TSC22D2: variants seen among roughly 807,000 people sequenced by gnomAD.
The protein encoded by TSC22D2 is TSC22 domain family member 2.
A neutral mutation model predicts 50.1 loss-of-function variants in TSC22D2; 5 were observed. The ratio of observed to expected loss-of-function variants is 0.10; its 90% CI spans 0.05 to 0.21. The LOEUF (loss-of-function observed/expected upper bound fraction) is 0.21. Among genes scored for constraint, TSC22D2 ranks in the 10% least tolerant of loss-of-function variants. The pLI, the probability that TSC22D2 is intolerant of heterozygous loss-of-function variation, is 1.00. For missense variants in TSC22D2, 1,003 were observed against 1,015.5 expected, an observed-to-expected ratio of 0.99 and a Z score of 0.17; for synonymous variants, 501 against 450.1, an observed-to-expected ratio of 1.11 and a Z score of -1.43.
rs997324900 is a variant in TSC22D2 at position 150,462,899 on chromosome 3, A to G, written c.*4263A>G. 9 of 152,228 alleles carry G rather than the reference A, an allele frequency of 5.9e-5. No homozygotes were observed. Among genetic ancestry groups the G allele is most frequent in the African/African-American group, 2.2e-4 (9 of 41,408 alleles). 9.4% of individuals were successfully genotyped at this position (152,228 alleles called of 1,614,324 possible). ...TCTCCCCCGCCCGCCTGGGCCTCCC[A>G]AAGTGTTGGGATTACAGGCGTGAGC... is the stretch of plus-strand genomic sequence containing the variant. On this transcript the variant is annotated 3_prime_UTR_variant, in exon 3 of 3. Coordinates refer to ENST00000688009, the MANE Select transcript of TSC22D2 (RefSeq NM_001303264.2).
chr3:150,439,529 G>A (rs1720649741), intron 1 of TSC22D2, among the ~76,000 whole-genome samples: 1 of 152,044 alleles, frequency 6.6e-6, no homozygotes, highest in Admixed American at 6.6e-5. Flanking sequence ...TGATAATCAG[G>A]AAAATAACTT....
rs1215705889 is a variant in TSC22D2 at position 150,460,768 on chromosome 3, TGGAGAAAAA to T, written c.*2133_*2141del. The T allele has an allele frequency of 8.1e-6, 1 of 124,082 alleles. No individual in the cohort carries two copies. The highest frequency in any genetic ancestry group is 1.9e-5 in the Non-Finnish European group (1 of 53,878). The allele number at this position is 124,082 out of a possible 1,614,324, so 7.7% of individuals were successfully genotyped here. ...TGTGACATGTGATATTTAATACAGG[TGGAGAAAAA>T]CTAGTCTTAGAAATGGGATTTTTGT... On this transcript the variant is annotated 3_prime_UTR_variant, in exon 3 of 3. Coordinates refer to ENST00000688009, the MANE Select transcript of TSC22D2 (RefSeq NM_001303264.2).
chr3:150,421,622 C>T (rs1271399639), intron 1 of TSC22D2, among the ~76,000 whole-genome samples: 2 of 151,880 alleles, frequency 1.3e-5, no homozygotes, highest in African/African-American at 4.8e-5. Context: ...GAGAAATACA[C>T]GTATTAGTCT....
chr3:150,438,962 A>G (rs1270746266), intron 1 of TSC22D2, among the ~76,000 whole-genome samples: 3 of 152,184 alleles, frequency 2.0e-5, no homozygotes, highest in Non-Finnish European at 4.4e-5. Flanking sequence ...TTAGAAAAAA[A>G]CTACTTTGTT....
At chr3:150,427,333 C>G (rs1158267086) in intron 1 of TSC22D2, among the ~76,000 whole-genome samples, 4 of 151,974 alleles carry the variant, frequency 2.6e-5, no homozygotes, top group African/African-American at 9.7e-5. Flanking sequence ...CCTCTTCATG[C>G]CCCCCATCAG....
At chr3:150,420,418 A>G (rs1719966660) in intron 1 of TSC22D2, among the ~76,000 whole-genome samples, 1 of 152,252 alleles carries the variant, frequency 6.6e-6, no homozygotes, top group Admixed American at 6.5e-5. Flanking sequence ...TTTATGTAGT[A>G]CATAGATTGT....
Position 150,459,899 on chromosome 3 carries a change from A to G in TSC22D2, c.*1263A>G, listed in dbSNP as rs2108110508. On this transcript the variant is annotated 3_prime_UTR_variant, in exon 3 of 3. Transcript: ENST00000688009. ...GGTGTTTTGAATTTCGTATGCAGAA[A>G]ACGTTTTGTTACATTGCAGATTTTA... The G allele has an allele frequency of 6.6e-6, 1 of 151,954 alleles. No homozygotes were observed. Among genetic ancestry groups the G allele is most frequent in the African/African-American group, 2.4e-5 (1 of 41,496 alleles). The allele number at this position is 151,954 out of a possible 1,614,324, so 9.4% of individuals were successfully genotyped here.
Position 150,460,712 on chromosome 3 carries a change from G to T in TSC22D2, c.*2076G>T, listed in dbSNP as rs977681274. 7.9e-6 allele frequency: 1 copy of T among 127,362 alleles called. No homozygotes were observed. Among genetic ancestry groups the T allele is most frequent in the African/African-American group, 2.6e-5 (1 of 38,164 alleles). 7.9% of individuals were successfully genotyped at this position (127,362 alleles called of 1,614,324 possible). Reference sequence around the variant, plus strand: ...TCACTGTTGGACTGTTAACCGAAAAGGTTTGCTGGCTGTGCCCCTCCAGTG... The same window carrying T: ...TCACTGTTGGACTGTTAACCGAAAATGTTTGCTGGCTGTGCCCCTCCAGTG... On this transcript the variant is annotated 3_prime_UTR_variant, in exon 3 of 3. Coordinates refer to ENST00000688009, the MANE Select transcript of TSC22D2 (RefSeq NM_001303264.2).
At chr3:150,413,222 C>G (rs1719657257) in intron 1 of TSC22D2, among the ~76,000 whole-genome samples, 1 of 152,154 alleles carries the variant, frequency 6.6e-6, no homozygotes, top group Admixed American at 6.5e-5. Flanking sequence ...AGTTGGTAAT[C>G]TGAAAACTCT....
At position 150,458,432 on chromosome 3, in the gene TSC22D2, G is replaced by A; in HGVS notation, c.2067G>A (p.Lys689=). The A allele has an allele frequency of 3.7e-6, 6 of 1,614,050 alleles. No homozygotes were observed. In the African/African-American group the frequency reaches 6.7e-5, roughly 18 times the overall value. The part of the protein sequence containing the change: ...YAVREEVEVL[K]EQIKELVERN... ...TAAGAGAAGAAGTGGAAGTTTTAAA[G>A]GAACAAATAAAAGAATTAGTTGAAA... The change falls in exon 3 of 3, where the codon AAG becomes AAA. Residue 689 remains lysine (K), a synonymous_variant. Coordinates refer to ENST00000688009, the MANE Select transcript of TSC22D2 (RefSeq NM_001303264.2).
chr3:150,429,307 A>C (rs983949549), intron 1 of TSC22D2, among the ~76,000 whole-genome samples: 1 of 152,170 alleles, frequency 6.6e-6, no homozygotes, highest in African/African-American at 2.4e-5. Flanking sequence ...CACCATGCTG[A>C]TGATTTCAGC....
At position 150,412,234 on chromosome 3, in the gene TSC22D2, A is replaced by G. The variant is rs112018235; in HGVS notation, c.1958+926A>G. On this transcript the variant is annotated intron_variant, in intron 1 of 2. Transcript: ENST00000688009. ...ATGTAAATTTGACATACATATTGCA[A>G]AATTTTAAAAGCTGACTTGTTGCAA... Among the ~76,000 whole-genome samples the G allele has an allele frequency of 7.6e-3, 1,163 of 152,282 alleles. 5 individuals are homozygous for G. Among genetic ancestry groups the G allele is most frequent in the Admixed American group, 0.015 (227 of 15,294 alleles).
intron 1 of TSC22D2, among the ~76,000 whole-genome samples, chr3:150,445,304 A>G (rs1327026640): frequency 7.2e-6 from 1 of 138,262 alleles, no homozygotes; most frequent in Admixed American, 7.8e-5. Flanking sequence ...CAAGAGCAAG[A>G]CTCTGTCTCA....
Position 150,411,255 on chromosome 3 carries a change from T to C in TSC22D2, c.1905T>C (p.Ser635=), listed in dbSNP as rs1198564638. 1.9e-6 allele frequency: 3 copies of C among 1,614,084 alleles called. No homozygotes were observed. In the African/African-American group the frequency reaches 4.0e-5, roughly 22 times the overall value. ...CCCTTCAGTTAACACCTATGAACAG[T>C]CTGGCCACCTCTGTATTCAGCATAG... ...ANPLQLTPMN[S]LATSVFSIAI... The change falls in exon 1 of 3, where the codon AGT becomes AGC. Residue 635 remains serine, a synonymous_variant. Transcript: ENST00000688009.
Position 150,461,427 on chromosome 3 carries a change from C to T in TSC22D2, c.*2791C>T, listed in dbSNP as rs1721396191. On this transcript the variant is annotated 3_prime_UTR_variant, in exon 3 of 3. Coordinates refer to ENST00000688009, the MANE Select transcript of TSC22D2 (RefSeq NM_001303264.2). ...ACAGTCTTACAGGAATGCCATCTAT[C>T]TAATTCTGTCAGTGTAATGCCCATA... 6.6e-6 allele frequency: 1 copy of T among 152,194 alleles called. No individual in the cohort carries two copies. 9.4% of individuals were successfully genotyped at this position (152,194 alleles called of 1,614,324 possible).
chr3:150,426,587 G>A (rs1720199477), intron 1 of TSC22D2, among the ~76,000 whole-genome samples: 1 of 152,186 alleles, frequency 6.6e-6, no homozygotes, highest in Non-Finnish European at 1.5e-5. Flanking sequence ...CAGGTAGCTT[G>A]TAAGGCTTTA....
rs139705131 is a variant in TSC22D2 at position 150,445,316 on chromosome 3, AAATAATAATAATAATAATAATAAT to A, written c.1959-11739_1959-11716del. Reference sequence around the variant, plus strand: ...TGACAAGAGCAAGACTCTGTCTCAAAAATAATAATAATAATAATAATAATAATAATAATAATAATAATAAGCCTT... The same window carrying A: ...TGACAAGAGCAAGACTCTGTCTCAAAAATAATAATAATAATAATAAGCCTT... On this transcript the variant is annotated intron_variant, in intron 1 of 2. Coordinates refer to ENST00000688009, the MANE Select transcript of TSC22D2 (RefSeq NM_001303264.2). Among the ~76,000 whole-genome samples, 12 of 142,536 alleles carry A rather than the reference AAATAATAATAATAATAATAATAAT, an allele frequency of 8.4e-5. 1 individual carries two copies. Among genetic ancestry groups the A allele is most frequent in the African/African-American group, 2.3e-4 (9 of 38,760 alleles). The allele number at this position is 142,536 out of a possible 152,430, so 93.5% of individuals were successfully genotyped here.
intron 1 of TSC22D2, among the ~76,000 whole-genome samples, chr3:150,414,822 T>C (rs990701374): frequency 1.3e-5 from 2 of 151,824 alleles, no homozygotes; most frequent in Non-Finnish European, 2.9e-5. Flanking sequence ...TATGAAAGTC[T>C]CACTGAATTG....
chr3:150,440,052 A>G (rs1394490803), intron 1 of TSC22D2, among the ~76,000 whole-genome samples: 2 of 152,214 alleles, frequency 1.3e-5, no homozygotes, highest in African/African-American at 4.8e-5. Flanking sequence ...AAAGTCATAT[A>G]TTAATAGATA....
Sources: allele counts gnomAD v4.1 joint callset (sites outside exome capture counted in the v4.1 genomes callset), GRCh38; gene constraint gnomAD v4.1.1; transcripts MANE v1.5; gene names NCBI Gene and HGNC (gene_info 2026-07-23, HGNC 2026-07-21).